Variants in KANSL1L observed in about 807,000 individuals in gnomAD.
The protein encoded by KANSL1L is KAT8 regulatory NSL complex subunit 1 like.
Under a neutral mutation model 108.6 loss-of-function variants are expected in KANSL1L, and 25 were observed. The observed-to-expected ratio is 0.23, with a 90% CI of 0.17 to 0.32. The LOEUF (loss-of-function observed/expected upper bound fraction) is 0.32, where lower values mean the gene tolerates loss of function less well. Among genes scored for constraint, KANSL1L ranks in the 10% least tolerant of loss-of-function variants. The probability of loss-of-function intolerance (pLI) is 1.00; values close to 1 mark genes in which losing one functional copy is unlikely to be tolerated. For missense variants in KANSL1L, 1,137 were observed against 1,125.7 expected, an observed-to-expected ratio of 1.01 and a Z score of -0.14; for synonymous variants, 405 against 395.1, an observed-to-expected ratio of 1.03 and a Z score of -0.30.
intron 2 of KANSL1L, among the ~76,000 whole-genome samples, chr2:210,140,408 G>A (rs1022530911): frequency 5.9e-5 from 9 of 152,164 alleles, no homozygotes; most frequent in Non-Finnish European, 1.2e-4. Context: ...CTGTTGAAAA[G>A]ACTATCCCTT....
intron 6 of KANSL1L, among the ~76,000 whole-genome samples, chr2:210,047,443 T>C (rs1002162671): frequency 2.6e-5 from 4 of 152,184 alleles, no homozygotes; most frequent in African/African-American, 9.7e-5. Context: ...CACTAGAACA[T>C]GAATACAATT....
chr2:210,036,131 C>A (rs193038264), intron 8 of KANSL1L, among the ~76,000 whole-genome samples: 1 of 152,174 alleles, frequency 6.6e-6, no homozygotes, highest in Admixed American at 6.5e-5. Flanking sequence ...TCTCCCTGAA[C>A]CTCTCTTTTT....
intron 4 of KANSL1L, among the ~76,000 whole-genome samples, chr2:210,101,243 G>A (rs1049156855): frequency 2.6e-5 from 4 of 152,130 alleles, no homozygotes; most frequent in Non-Finnish European, 5.9e-5. Context: ...GCAGATGGAG[G>A]CTATGCTTGC....
In KANSL1L at chr2:210,146,662, G is replaced by T. The variant is rs187530111; in HGVS notation, c.1088+6833C>A. On this transcript the variant is annotated intron_variant, in intron 2 of 14. Coordinates refer to ENST00000281772, the MANE Select transcript of KANSL1L (RefSeq NM_152519.4). ...TTTTCTAAGCAATATGGTCCAAGAG[G>T]ATGAGTTTCTCCACCTGATTCTGTG... Among the ~76,000 whole-genome samples the T allele has an allele frequency of 2.0e-5, 3 of 152,260 alleles. No individual in the cohort carries two copies. In the East Asian group the frequency reaches 5.8e-4, roughly 29 times the overall value.
At chr2:210,076,218 G>C (rs898326525) in intron 5 of KANSL1L, among the ~76,000 whole-genome samples, 7 of 151,944 alleles carry the variant, frequency 4.6e-5, no homozygotes, top group African/African-American at 1.7e-4. Context: ...GTCTCACTCA[G>C]CTGCCCAGGC....
At chr2:210,172,194 G>C (rs1293524885), upstream of KANSL1L, among the ~76,000 whole-genome samples, 2 of 152,062 alleles carry the variant, frequency 1.3e-5, no homozygotes, top group African/African-American at 4.8e-5. Flanking sequence ...AAACAAACCT[G>C]CACCTGGGCA....
intron 5 of KANSL1L, among the ~76,000 whole-genome samples, chr2:210,084,833 A>G (rs2094622843): frequency 6.6e-6 from 1 of 152,068 alleles, no homozygotes; most frequent in South Asian, 2.1e-4. Context: ...GATGGTCTCG[A>G]TCTCTTGACC....
At chr2:210,105,155 A>G (rs888693660) in intron 3 of KANSL1L, among the ~76,000 whole-genome samples, 1 of 151,938 alleles carries the variant, frequency 6.6e-6, no homozygotes, top group African/African-American at 2.4e-5. Flanking sequence ...GTGCAAAGGC[A>G]TGATCTTAAT....
chr2:210,052,171 T>C lies in KANSL1L; in HGVS notation c.1756-8067A>G, dbSNP rs1369433586. On this transcript the variant is annotated intron_variant, in intron 6 of 14. Coordinates refer to ENST00000281772, the MANE Select transcript of KANSL1L (RefSeq NM_152519.4). ...GGTGGATACCACCATACCTGGATCATTTTTAAATTTTCTGTAGAGACAGTA... is the reference window on the plus strand; with the variant it reads ...GGTGGATACCACCATACCTGGATCACTTTTAAATTTTCTGTAGAGACAGTA... Among the ~76,000 whole-genome samples, 14 of 152,128 alleles carry C rather than the reference T, an allele frequency of 9.2e-5. No individual in the cohort carries two copies. The East Asian group carries it at 2.7e-3, about 29-fold the overall frequency.
intron 6 of KANSL1L, among the ~76,000 whole-genome samples, chr2:210,059,196 C>T (rs2094393203): frequency 6.6e-6 from 1 of 151,828 alleles, no homozygotes. Context: ...TAACTTCCTC[C>T]TTGTCATATT....
intron 1 of KANSL1L, among the ~76,000 whole-genome samples, chr2:210,166,784 TGA>T (rs1687999515): frequency 6.6e-6 from 1 of 152,076 alleles, no homozygotes; most frequent in African/African-American, 2.4e-5. Flanking sequence ...AACAGTATTT[TGA>T]GAGAGGGGAG....
intron 1 of KANSL1L, among the ~76,000 whole-genome samples, chr2:210,162,201 C>T (rs1200378132): frequency 6.2e-5 from 7 of 113,026 alleles, no homozygotes; most frequent in Non-Finnish European, 1.8e-5. Flanking sequence ...TAATATATTA[C>T]CCCCAAATTT....
Position 210,098,109 on chromosome 2 carries a change from A to G in KANSL1L, c.1527T>C (p.Cys509=). ...PLSSKSCSHK[C]LANGIYRSAS... ...ACCTCCTGTAAATGCCATTAGCCAG[A>G]CATTTATGGCTACAGGATTTGGAAG... The change falls in exon 5 of 15, where the codon TGT becomes TGC. Residue 509 remains cysteine, a synonymous_variant. Coordinates refer to ENST00000281772, the MANE Select transcript of KANSL1L (RefSeq NM_152519.4). 2 of 1,610,248 alleles carry G rather than the reference A, an allele frequency of 1.2e-6. No individual in the cohort carries two copies. The highest frequency in any genetic ancestry group is 8.5e-7 in the Non-Finnish European group (1 of 1,178,096).
chr2:210,060,266 A>G (rs1163919580), intron 6 of KANSL1L, among the ~76,000 whole-genome samples: 2 of 152,210 alleles, frequency 1.3e-5, no homozygotes, highest in East Asian at 1.9e-4. Context: ...TTGAGAATCT[A>G]TGAAATAACA....
intron 6 of KANSL1L, among the ~76,000 whole-genome samples, chr2:210,061,466 C>T (rs1224880191): frequency 6.6e-6 from 1 of 152,140 alleles, no homozygotes; most frequent in East Asian, 1.9e-4. Context: ...ATATTATGAT[C>T]AGATAAACAT....
In KANSL1L at chr2:210,028,842, T is replaced by A; in HGVS notation, c.2396+3A>T. 1 of 1,573,564 alleles carries A rather than the reference T, an allele frequency of 6.4e-7. No individual in the cohort carries two copies. Among genetic ancestry groups the A allele is most frequent in the South Asian group, 1.1e-5 (1 of 87,176 alleles). ...AAAAATATGAAGATGTAAGTATACA[T>A]ACCTTGGAGTAAGTATTTCCTTATA... On this transcript the variant is annotated splice_donor_region_variant and intron_variant, in intron 11 of 14. Transcript: ENST00000281772.
intron 1 of KANSL1L, among the ~76,000 whole-genome samples, chr2:210,165,692 C>T (rs1687909843): frequency 6.6e-6 from 1 of 152,056 alleles, no homozygotes; most frequent in Admixed American, 6.6e-5. Flanking sequence ...TAAATCTATA[C>T]CATAAATTCT....
intron 6 of KANSL1L, among the ~76,000 whole-genome samples, chr2:210,070,519 T>C (rs1022117424): frequency 6.6e-6 from 1 of 152,130 alleles, no homozygotes; most frequent in East Asian, 1.9e-4. Flanking sequence ...CGTGAGCCAC[T>C]GCGCCCAGCC....
chr2:210,169,568 G>A (rs895436111), intron 1 of KANSL1L, among the ~76,000 whole-genome samples: 1 of 152,098 alleles, frequency 6.6e-6, no homozygotes, highest in Non-Finnish European at 1.5e-5. Context: ...ATTTGCAAAG[G>A]CGCATCATGA....
Sources: gnomAD v4.1 joint callset for allele counts (sites outside exome capture counted in the v4.1 genomes callset) on GRCh38, gnomAD v4.1.1 for gene constraint, MANE v1.5 for transcripts, NCBI Gene and HGNC (gene_info 2026-07-23, HGNC 2026-07-21) for gene names.